ATP9B: variants seen among roughly 807,000 people sequenced by gnomAD.
ATP9B encodes probable phospholipid-transporting ATPase IIB.
In ATP9B, 110 loss-of-function variants were observed where a neutral mutation model predicts 146.1. The ratio of observed to expected loss-of-function variants is 0.75; its 90% CI spans 0.65 to 0.88. The LOEUF is 0.88. Ranked by LOEUF, ATP9B falls within the 40% of genes least tolerant of loss-of-function variation. ATP9B has a pLI of 0.00. For synonymous variants in ATP9B, 604 were observed against 569.7 expected (o/e 1.06, Z -0.86); for missense variants, 1,499 against 1,496.4 (o/e 1.00, Z -0.03).
At chr18:79,336,255 C>T (rs767082406) in intron 17 of ATP9B, among the ~76,000 whole-genome samples, 1 of 152,250 alleles carries the variant, frequency 6.6e-6, no homozygotes, top group Non-Finnish European at 1.5e-5. Context: ...TGCAGGCTGC[C>T]GTCCACACTC....
At chr18:79,180,760 T>C (rs1453638716) in intron 8 of ATP9B, among the ~76,000 whole-genome samples, 1 of 151,032 alleles carries the variant, frequency 6.6e-6, no homozygotes, top group African/African-American at 2.5e-5. Flanking sequence ...AGTTTTTGTT[T>C]GTTTGAAAAT....
At chr18:79,098,736 A>G (rs1293141144) in intron 2 of ATP9B, among the ~76,000 whole-genome samples, 2 of 152,254 alleles carry the variant, frequency 1.3e-5, no homozygotes, top group East Asian at 3.8e-4. Context: ...AATGTTGTCT[A>G]TCATCCCAGT....
intron 26 of ATP9B, among the ~76,000 whole-genome samples, chr18:79,371,630 C>T (rs2097071251): frequency 6.6e-6 from 1 of 152,348 alleles, no homozygotes; most frequent in Non-Finnish European, 1.5e-5. Context: ...AGCGTCCGTG[C>T]CTCTGTTCTG....
chr18:79,314,487 C>A lies in ATP9B; in HGVS notation c.1773+7253C>A, dbSNP rs73003815. The stretch of plus-strand genomic sequence containing the variant: ...TTAAATCCTTAAAGGTCCTGTGAGG[C>A]ATAAGCAATTAAACACTTGAAGTGT... On this transcript the variant is annotated intron_variant, in intron 15 of 29. Coordinates refer to ENST00000426216, the MANE Select transcript of ATP9B (RefSeq NM_198531.5). Among the ~76,000 whole-genome samples, 1,404 of 152,258 alleles carry A rather than the reference C, an allele frequency of 9.2e-3. 12 individuals are homozygous for A. Among genetic ancestry groups the A allele is most frequent in the Non-Finnish European group, 0.015 (1,024 of 68,006 alleles).
chr18:79,205,586 A>G (rs756322536), intron 9 of ATP9B, among the ~76,000 whole-genome samples: 6 of 152,012 alleles, frequency 3.9e-5, no homozygotes, highest in Non-Finnish European at 8.8e-5. Context: ...AACAGTCAGG[A>G]CAGTGTGTGG....
intron 11 of ATP9B, among the ~76,000 whole-genome samples, chr18:79,216,028 A>G (rs1313087354): frequency 6.6e-6 from 1 of 152,090 alleles, no homozygotes; most frequent in Non-Finnish European, 1.5e-5. Flanking sequence ...CAGTTCTAGG[A>G]TTTTTTTCCT....
At chr18:79,294,315 G>T (rs955697305) in intron 13 of ATP9B, among the ~76,000 whole-genome samples, 2 of 152,194 alleles carry the variant, frequency 1.3e-5, no homozygotes, top group East Asian at 3.8e-4. Context: ...GTGGGCCTAG[G>T]AATCGATTGT....
At chr18:79,327,596 C>CT (rs1470090839) in intron 15 of ATP9B, among the ~76,000 whole-genome samples, 7 of 134,608 alleles carry the variant, frequency 5.2e-5, no homozygotes, top group South Asian at 2.5e-4. Flanking sequence ...GGTTAACGTG[C>CT]CCTCCGTGGT....
chr18:79,257,290 C>T (rs968503644), intron 12 of ATP9B, among the ~76,000 whole-genome samples: 20 of 152,102 alleles, frequency 1.3e-4, no homozygotes, highest in Admixed American at 1.0e-3. Flanking sequence ...GGCAAAAGAA[C>T]AAAACTCTGT....
intron 7 of ATP9B, among the ~76,000 whole-genome samples, chr18:79,162,238 C>G (rs2094893991): frequency 1.3e-5 from 2 of 152,264 alleles, no homozygotes; most frequent in South Asian, 4.1e-4. Context: ...GTCAGTACAG[C>G]ATGGTGGGTT....
chr18:79,098,984 G>C (rs1449705028), intron 2 of ATP9B, among the ~76,000 whole-genome samples: 1 of 152,172 alleles, frequency 6.6e-6, no homozygotes, highest in Non-Finnish European at 1.5e-5. Flanking sequence ...TACTGTGTAA[G>C]TGATGCTATG....
At chr18:79,220,508 G>C (rs1224940245) in intron 11 of ATP9B, among the ~76,000 whole-genome samples, 1 of 152,120 alleles carries the variant, frequency 6.6e-6, no homozygotes, top group African/African-American at 2.4e-5. Flanking sequence ...GGCTGAGGTG[G>C]GTGGATCGCC....
chr18:79,148,466 A>C (rs1401576319), intron 6 of ATP9B, among the ~76,000 whole-genome samples: 2 of 152,228 alleles, frequency 1.3e-5, no homozygotes, highest in African/African-American at 4.8e-5. Context: ...CAAGCAGTGT[A>C]ATCTACGCTA....
intron 25 of ATP9B, 152 bp downstream of exon 25, chr18:79,348,348 T>C (rs2096903624): frequency 1.6e-5 from 12 of 740,402 alleles, no homozygotes; most frequent in South Asian, 1.8e-5. Context: ...ACATTTTACT[T>C]GGGTGAACTT....
At chr18:79,155,972 C>A (rs1486916286) in intron 7 of ATP9B, among the ~76,000 whole-genome samples, 33 of 151,892 alleles carry the variant, frequency 2.2e-4, no homozygotes, top group Non-Finnish European at 1.0e-4. Flanking sequence ...CCATGTTAGC[C>A]AGGATGGTCT....
intron 10 of ATP9B, among the ~76,000 whole-genome samples, chr18:79,210,091 C>G (rs1041429445): frequency 6.6e-6 from 1 of 152,176 alleles, no homozygotes; most frequent in African/African-American, 2.4e-5. Flanking sequence ...CAGGCAGATG[C>G]AGCAGACGAG....
chr18:79,323,471 C>T (rs888460662), intron 15 of ATP9B, among the ~76,000 whole-genome samples: 3 of 152,178 alleles, frequency 2.0e-5, no homozygotes, highest in African/African-American at 7.2e-5. Context: ...ATATCCTTCC[C>T]GGACTCTGGT....
chr18:79,114,342 T>C (rs2147031463), intron 4 of ATP9B, among the ~76,000 whole-genome samples: 1 of 152,300 alleles, frequency 6.6e-6, no homozygotes, highest in South Asian at 2.1e-4. Context: ...GTGAAAGGGT[T>C]CCTTCAGTGA....
chr18:79,271,143 T>A (rs1179949394), intron 12 of ATP9B, among the ~76,000 whole-genome samples: 1 of 152,216 alleles, frequency 6.6e-6, no homozygotes, highest in Non-Finnish European at 1.5e-5. Flanking sequence ...AAATCTCCAA[T>A]CATCCCACAC....
Sources: allele counts gnomAD v4.1 joint callset (sites outside exome capture counted in the v4.1 genomes callset), GRCh38; gene constraint gnomAD v4.1.1; transcripts MANE v1.5; gene names NCBI Gene and HGNC (gene_info 2026-07-23, HGNC 2026-07-21).